The following SLC35D2 variants were observed in gnomAD, a reference collection of about 807,000 sequenced individuals.
SLC35D2 encodes solute carrier family 35 member D2.
In SLC35D2, 43 loss-of-function variants were observed where a neutral mutation model predicts 41.8. The ratio of observed to expected loss-of-function variants is 1.03; its 90% confidence interval spans 0.81 to 1.33. The LOEUF (loss-of-function observed/expected upper bound fraction) is 1.33. SLC35D2 is among the 40% of genes most tolerant of loss of function. The pLI is 0.00. For synonymous variants in SLC35D2, 150 were observed against 163.9 expected (o/e 0.92, Z 0.65); for missense variants, 380 against 408.4 (o/e 0.93, Z 0.60).
chr9:96,315,549 T>A (rs2130814181), intron 11 of SLC35D2, among the ~76,000 whole-genome samples: 1 of 151,146 alleles, frequency 6.6e-6, no homozygotes, highest in East Asian at 2.0e-4. Context: ...TTCTCCTGCC[T>A]CAGCCTCCCG....
chr9:96,374,873 CTA>C (rs1413629967), intron 1 of SLC35D2, among the ~76,000 whole-genome samples: 4 of 151,348 alleles, frequency 2.6e-5, no homozygotes, highest in Middle Eastern at 3.2e-3. Flanking sequence ...ATTTATGTTT[CTA>C]TGTCTCCACC....
At chr9:96,348,233 TG>T (rs1362042847) in intron 6 of SLC35D2, among the ~76,000 whole-genome samples, 18 of 152,340 alleles carry the variant, frequency 1.2e-4, no homozygotes, top group Admixed American at 2.6e-4. Context: ...TAACTTTTTC[TG>T]GCCATGTAAC....
intron 4 of SLC35D2, among the ~76,000 whole-genome samples, chr9:96,355,205 A>T (rs1326562210): frequency 6.6e-6 from 1 of 151,880 alleles, no homozygotes; most frequent in Admixed American, 6.6e-5. Context: ...TTTAGTATAG[A>T]TGGGGTTTCA....
chr9:96,368,896 C>G (rs34655014), intron 1 of SLC35D2, among the ~76,000 whole-genome samples: 3,844 of 152,044 alleles, frequency 0.025, 69 homozygotes, highest in Middle Eastern at 0.055. Context: ...TCCCGAGTAG[C>G]TGGGACTATA....
chr9:96,361,353 T>C (rs940854423), intron 3 of SLC35D2, among the ~76,000 whole-genome samples: 6 of 152,146 alleles, frequency 3.9e-5, no homozygotes, highest in African/African-American at 1.4e-4. Flanking sequence ...CATGAGGGCA[T>C]AGTGGTACAG....
chr9:96,318,140 T>C (rs1828103176), downstream of SLC35D2, among the ~76,000 whole-genome samples: 1 of 151,790 alleles, frequency 6.6e-6, no homozygotes, highest in South Asian at 2.1e-4. Context: ...CATATTGCCA[T>C]GCCCAGCCCT....
chr9:96,348,107 C>T (rs923653318), intron 6 of SLC35D2, among the ~76,000 whole-genome samples: 2 of 152,194 alleles, frequency 1.3e-5, no homozygotes, highest in African/African-American at 2.4e-5. Context: ...ACTGCAGACT[C>T]GCCCTGAATT....
intron 4 of SLC35D2, among the ~76,000 whole-genome samples, chr9:96,355,709 C>G (rs1195497174): frequency 5.9e-5 from 9 of 151,870 alleles, no homozygotes; most frequent in Admixed American, 5.3e-4. Context: ...GTTGGTCAGG[C>G]TGGTCTCGAA....
chr9:96,324,622 G>T (rs917061824), intron 9 of SLC35D2, among the ~76,000 whole-genome samples: 2 of 146,606 alleles, frequency 1.4e-5, no homozygotes, highest in Non-Finnish European at 3.0e-5. Flanking sequence ...GTGCAATCTC[G>T]GCTCACTGCA....
intron 1 of SLC35D2, among the ~76,000 whole-genome samples, chr9:96,380,463 C>CT (rs199972344): frequency 0.022 from 3,217 of 143,200 alleles, 123 homozygotes; most frequent in East Asian, 0.17. Context: ...GGTATTTTTT[C>CT]TTTTTTTTTT....
intron 9 of SLC35D2, among the ~76,000 whole-genome samples, chr9:96,326,805 C>CAAA (rs373966865): frequency 6.1e-4 from 65 of 105,718 alleles, no homozygotes; most frequent in Middle Eastern, 4.9e-3. Context: ...GACTCTGTCT[C>CAAA]AAAAAAAAAA....
At chr9:96,380,138 C>T (rs1264351658) in intron 1 of SLC35D2, among the ~76,000 whole-genome samples, 3 of 152,110 alleles carry the variant, frequency 2.0e-5, no homozygotes, top group African/African-American at 7.2e-5. Context: ...CTCAGGTGAT[C>T]CGCCCACCTC....
intron 1 of SLC35D2, among the ~76,000 whole-genome samples, chr9:96,383,175 C>T (rs1313230324): frequency 6.6e-6 from 1 of 152,138 alleles, no homozygotes; most frequent in Non-Finnish European, 1.5e-5. Context: ...GCATTTGAAT[C>T]CCTGTTTTCA....
intron 6 of SLC35D2, among the ~76,000 whole-genome samples, chr9:96,350,339 T>C (rs981521159): frequency 2.7e-5 from 4 of 148,826 alleles, no homozygotes; most frequent in African/African-American, 1.0e-4. Context: ...CCAGGCTAAT[T>C]TTCTTTCCTT....
At chr9:96,319,873 G>C (rs745348975), downstream of SLC35D2, among the ~76,000 whole-genome samples, 15 of 152,230 alleles carry the variant, frequency 9.9e-5, no homozygotes, top group Non-Finnish European at 1.9e-4. Flanking sequence ...AACTCAGAAA[G>C]TTGCAGCTTG....
chr9:96,353,153 C>T (rs1213488130), intron 4 of SLC35D2, among the ~76,000 whole-genome samples: 1 of 151,756 alleles, frequency 6.6e-6, no homozygotes, highest in African/African-American at 2.4e-5. Flanking sequence ...ACATCAGAAA[C>T]AACCTAAATG....
Position 96,360,002 on chromosome 9 carries a change from C to G in SLC35D2, c.347+152G>C, listed in dbSNP as rs1032355108. 6.0e-6 allele frequency: 3 copies of G among 497,156 alleles called. No homozygotes were observed. In the Admixed American group the frequency reaches 1.0e-4, roughly 17 times the overall value. 30.8% of individuals were successfully genotyped at this position (497,156 alleles called of 1,614,324 possible). A position where few individuals can be genotyped will look rare whatever the true frequency, so the allele number is the denominator to read the frequency against. On this transcript the variant is annotated intron_variant, in intron 4 of 11. Coordinates refer to ENST00000253270, the MANE Select transcript of SLC35D2 (RefSeq NM_007001.3). Reference sequence around the variant, plus strand: ...CCTAAAATCATTGGCCAATTAAACTCAAAACTCCACCTTACTTTCTTAAAC... The same window carrying G: ...CCTAAAATCATTGGCCAATTAAACTGAAAACTCCACCTTACTTTCTTAAAC...
chr9:96,314,434 T>C (rs1397639248), exon 12 of SLC35D2: 1 of 152,138 alleles, frequency 6.6e-6, no homozygotes, highest in East Asian at 1.9e-4. Flanking sequence ...ATCATGTCCA[T>C]TGCAGGGACA....
intron 3 of SLC35D2, among the ~76,000 whole-genome samples, 185 bp from the exon 4 acceptor site, chr9:96,360,406 G>A (rs747753704): frequency 2.0e-4 from 31 of 151,856 alleles, no homozygotes; most frequent in African/African-American, 7.5e-4. Flanking sequence ...CAAGGTAGGC[G>A]GATCACGAGG....
Sources: gnomAD v4.1 joint callset for allele counts (sites outside exome capture counted in the v4.1 genomes callset) on GRCh38, gnomAD v4.1.1 for gene constraint, MANE v1.5 for transcripts, NCBI Gene and HGNC (gene_info 2026-07-23, HGNC 2026-07-21) for gene names.